Variants in PRR16 observed in about 807,000 individuals in gnomAD.
The protein encoded by PRR16 is protein Largen.
Under a neutral mutation model 18.2 loss-of-function variants are expected in PRR16, and 6 were observed. The observed-to-expected ratio is 0.33, with a 90% CI of 0.18 to 0.65. The LOEUF (loss-of-function observed/expected upper bound fraction) is 0.65. Among genes scored for constraint, PRR16 ranks in the 30% least tolerant of loss-of-function variants. The pLI is 0.74. For missense variants in PRR16, 412 were observed against 376.6 expected, an observed-to-expected ratio of 1.09 and a Z score of -0.78; for synonymous variants, 151 against 147.8, an observed-to-expected ratio of 1.02 and a Z score of -0.16.
rs1233747695 is a variant in PRR16, at chr5:120,671,557, A to G, written c.160-14397A>G. Reference sequence around the variant, plus strand: ...TTTAACAAGTAATTTAATATTGTGCATAGATACTAAGATAATTTAAGCAAA... The same window carrying G: ...TTTAACAAGTAATTTAATATTGTGCGTAGATACTAAGATAATTTAAGCAAA... On this transcript the variant is annotated intron_variant, in intron 1 of 1. Coordinates refer to ENST00000407149, the MANE Select transcript of PRR16 (RefSeq NM_001300783.2). Among the ~76,000 whole-genome samples the G allele has an allele frequency of 3.9e-5, 6 of 152,312 alleles. No homozygotes were observed. In the East Asian group the frequency reaches 9.6e-4, roughly 24 times the overall value.
chr5:120,574,284 A>G (rs934499938), intron 1 of PRR16, among the ~76,000 whole-genome samples: 1 of 152,140 alleles, frequency 6.6e-6, no homozygotes, highest in African/African-American at 2.4e-5. Context: ...CAAAAAATAT[A>G]CAAAAGATAT....
At chr5:120,663,049 GTTC>G (rs929186226) in intron 1 of PRR16, among the ~76,000 whole-genome samples, 1 of 152,032 alleles carries the variant, frequency 6.6e-6, no homozygotes, top group Non-Finnish European at 1.5e-5. Context: ...CCTGTTCACC[GTTC>G]TTCTTTCACC....
At chr5:120,683,801 C>G (rs955002455) in intron 1 of PRR16, among the ~76,000 whole-genome samples, 1 of 151,734 alleles carries the variant, frequency 6.6e-6, no homozygotes, top group Non-Finnish European at 1.5e-5. Flanking sequence ...ACCAGTATTC[C>G]ATTGAGTGAG....
intron 1 of PRR16, among the ~76,000 whole-genome samples, chr5:120,510,443 C>T (rs902464091): frequency 6.6e-6 from 1 of 152,138 alleles, no homozygotes; most frequent in African/African-American, 2.4e-5. Flanking sequence ...TACTGCCTGG[C>T]ATGCTTATCA....
At chr5:120,617,235 C>G in intron 1 of PRR16, 13 of 870,760 alleles carry the variant, frequency 1.5e-5, no homozygotes, top group Non-Finnish European at 1.8e-5. Flanking sequence ...ATTTGGACAG[C>G]ACATACCAAC....
intron 1 of PRR16, among the ~76,000 whole-genome samples, chr5:120,624,910 T>C (rs1754812533): frequency 6.6e-6 from 1 of 152,080 alleles, no homozygotes; most frequent in Non-Finnish European, 1.5e-5. Context: ...TCTGATGGTT[T>C]TAAAAAGGAG....
chr5:120,750,062 A>G, the PRR16 span, among the ~76,000 whole-genome samples: 1 of 152,122 alleles, frequency 6.6e-6, no homozygotes, highest in East Asian at 1.9e-4. Context: ...TTTTTCATTT[A>G]TTTTGTTGTG....
At chr5:120,599,862 T>C (rs1753927690) in intron 1 of PRR16, among the ~76,000 whole-genome samples, 3 of 151,768 alleles carry the variant, frequency 2.0e-5, no homozygotes, top group Admixed American at 2.0e-4. Flanking sequence ...ATTTCCTCTT[T>C]CTGGTTTGTA....
chr5:120,620,253 G>A (rs1310893206), intron 1 of PRR16, among the ~76,000 whole-genome samples: 1 of 152,074 alleles, frequency 6.6e-6, no homozygotes, highest in Non-Finnish European at 1.5e-5. Flanking sequence ...GAGTGACCTT[G>A]AATATTATAA....
intron 1 of PRR16, among the ~76,000 whole-genome samples, chr5:120,585,560 A>C (rs891752594): frequency 6.6e-6 from 1 of 151,794 alleles, no homozygotes; most frequent in Non-Finnish European, 1.5e-5. Flanking sequence ...TGGAGGATGC[A>C]GTGAGCTGAG....
intron 1 of PRR16, among the ~76,000 whole-genome samples, chr5:120,657,743 G>A (rs1007026598): frequency 5.3e-5 from 8 of 151,872 alleles, no homozygotes; most frequent in African/African-American, 9.7e-5. Context: ...GCCTTCCCAA[G>A]GACAGAAGAA....
At chr5:120,632,407 A>G (rs574510984) in intron 1 of PRR16, among the ~76,000 whole-genome samples, 1 of 152,332 alleles carries the variant, frequency 6.6e-6, no homozygotes, top group East Asian at 1.9e-4. Context: ...AAAAGAATTC[A>G]GAAGGTCAAT....
chr5:120,605,174 C>T (rs1485522886), intron 1 of PRR16, among the ~76,000 whole-genome samples: 1 of 152,168 alleles, frequency 6.6e-6, no homozygotes, highest in Admixed American at 6.5e-5. Context: ...CCATCTCTTT[C>T]AGGAATCCCA....
At chr5:120,496,285 A>AT (rs1750242564) in intron 1 of PRR16, among the ~76,000 whole-genome samples, 1 of 152,030 alleles carries the variant, frequency 6.6e-6, no homozygotes, top group Non-Finnish European at 1.5e-5. Flanking sequence ...ATTTGTAGTA[A>AT]TTCTTCTATG....
the PRR16 span, among the ~76,000 whole-genome samples, chr5:120,713,228 C>T: frequency 6.6e-6 from 1 of 152,096 alleles, no homozygotes; most frequent in South Asian, 2.1e-4. Context: ...ATAAGCCAGA[C>T]ATAGAAATAA....
chr5:120,464,428 G>A lies in PRR16; in HGVS notation c.-59G>A, dbSNP rs1485376464. The A allele has an allele frequency of 1.7e-5, 25 of 1,496,892 alleles. No homozygotes were observed. The South Asian group carries it at 1.8e-4, about 11-fold the overall frequency. The allele number at this position is 1,496,892 out of a possible 1,614,324, so 92.7% of individuals were successfully genotyped here. On this transcript the variant is annotated 5_prime_UTR_variant, in exon 1 of 2. Transcript: ENST00000407149. ...CGGCCGTAGCAGCGCCAGGGACGGG[G>A]GCACGCAGCAGCCTCCGCTCGCCCG...
the PRR16 span, among the ~76,000 whole-genome samples, chr5:120,780,301 AAAAT>A: frequency 6.6e-6 from 1 of 152,202 alleles, no homozygotes; most frequent in Non-Finnish European, 1.5e-5. Flanking sequence ...AATTGCACAT[AAAAT>A]AAATGATTTA....
the PRR16 span, among the ~76,000 whole-genome samples, chr5:120,763,159 T>G: frequency 6.6e-6 from 1 of 152,116 alleles, no homozygotes; most frequent in Admixed American, 6.6e-5. Context: ...AGCAATTTTT[T>G]TTTTTGAGGC....
the PRR16 span, among the ~76,000 whole-genome samples, chr5:120,765,219 A>G: frequency 6.6e-6 from 1 of 152,066 alleles, no homozygotes; most frequent in African/African-American, 2.4e-5. Context: ...AATCTGTGAA[A>G]TATTTTCCCT....
Sources: gnomAD v4.1 joint callset for allele counts (sites outside exome capture counted in the v4.1 genomes callset) on GRCh38, gnomAD v4.1.1 for gene constraint, MANE v1.5 for transcripts, NCBI Gene and HGNC (gene_info 2026-07-23, HGNC 2026-07-21) for gene names.